Variants in DCC observed in about 807,000 individuals in gnomAD.
DCC encodes DCC netrin 1 receptor, also known as netrin receptor DCC.
Under a neutral mutation model 172.5 loss-of-function variants are expected in DCC, and 58 were observed. The observed-to-expected ratio is 0.34, with a 90% CI of 0.27 to 0.42. The LOEUF is 0.42. Among genes scored for constraint, DCC ranks in the 10% least tolerant of loss-of-function variants. The pLI, the probability that DCC is intolerant of heterozygous loss-of-function variation, is 1.00. For synonymous variants in DCC, 709 were observed against 644.5 expected (o/e 1.10, Z -1.52); for missense variants, 1,740 against 1,791.0 (o/e 0.97, Z 0.51).
chr18:52,369,381 A>G (rs914611309), intron 1 of DCC, among the ~76,000 whole-genome samples: 2 of 152,130 alleles, frequency 1.3e-5, no homozygotes, highest in Non-Finnish European at 2.9e-5. Context: ...TAATTTTTAC[A>G]AACACCTGAC....
intron 1 of DCC, among the ~76,000 whole-genome samples, chr18:52,684,494 C>T (rs2035798058): frequency 6.6e-6 from 1 of 151,834 alleles, no homozygotes; most frequent in Admixed American, 6.6e-5. Context: ...ACACATCAGT[C>T]CCTTTGTGTG....
At chr18:53,374,497 C>T (rs1208561460) in intron 15 of DCC, among the ~76,000 whole-genome samples, 2 of 152,250 alleles carry the variant, frequency 1.3e-5, no homozygotes, top group African/African-American at 2.4e-5. Context: ...ATTTAGGTAA[C>T]AAAAGATGTC....
intron 22 of DCC, among the ~76,000 whole-genome samples, chr18:53,444,255 C>T (rs1912456089): frequency 6.6e-6 from 1 of 152,114 alleles, no homozygotes; most frequent in Non-Finnish European, 1.5e-5. Context: ...TAAGAGATTG[C>T]CACAGGCTGG....
chr18:53,243,834 A>T (rs920283074), intron 12 of DCC, among the ~76,000 whole-genome samples: 3 of 152,194 alleles, frequency 2.0e-5, no homozygotes, highest in African/African-American at 7.2e-5. Context: ...AAATGGAAAC[A>T]TAAAAGTCTT....
chr18:52,939,921 C>T (rs1435132665), intron 5 of DCC, among the ~76,000 whole-genome samples: 1 of 152,062 alleles, frequency 6.6e-6, no homozygotes. Flanking sequence ...GAACATTGTG[C>T]AATTTGGTGT....
intron 13 of DCC, among the ~76,000 whole-genome samples, chr18:53,312,153 CAAAAAAAAAA>C (rs895203731): frequency 1.1e-4 from 3 of 26,734 alleles, no homozygotes; most frequent in South Asian, 1.5e-3. Context: ...GCTAAAAATA[CAAAAAAAAAA>C]AAAAAAAAAA....
chr18:53,031,847 G>C (rs187442752), intron 5 of DCC, among the ~76,000 whole-genome samples: 1 of 152,120 alleles, frequency 6.6e-6, no homozygotes, highest in East Asian at 1.9e-4. Context: ...TCATTTTATA[G>C]ATGTGGGAGT....
chr18:52,965,179 G>T (rs2040909317), intron 5 of DCC: 1 of 152,092 alleles, frequency 6.6e-6, no homozygotes, highest in Admixed American at 6.6e-5. Context: ...TATCTTTTGA[G>T]GGTCATTATT....
At chr18:52,533,162 T>C (rs1228129394) in intron 1 of DCC, among the ~76,000 whole-genome samples, 3 of 152,162 alleles carry the variant, frequency 2.0e-5, no homozygotes, top group Non-Finnish European at 4.4e-5. Flanking sequence ...GGTATCATCT[T>C]ACATCACCAT....
intron 2 of DCC, among the ~76,000 whole-genome samples, chr18:52,766,218 G>C (rs534824334): frequency 1.1e-4 from 16 of 152,314 alleles, no homozygotes; most frequent in African/African-American, 3.8e-4. Flanking sequence ...AAGCACTTTT[G>C]GGCGCCAGCA....
chr18:52,927,209 A>G (rs1024911462), intron 5 of DCC, among the ~76,000 whole-genome samples: 15 of 116,462 alleles, frequency 1.3e-4, no homozygotes, highest in African/African-American at 3.8e-4. Flanking sequence ...GTGTATATGT[A>G]CATATACACA....
intron 1 of DCC, among the ~76,000 whole-genome samples, chr18:52,514,174 G>A (rs1050733938): frequency 1.3e-5 from 2 of 152,054 alleles, no homozygotes; most frequent in Admixed American, 1.3e-4. Flanking sequence ...ATGTATGTGT[G>A]TATATATAGT....
At chr18:53,234,017 G>A (rs749800049) in intron 12 of DCC, among the ~76,000 whole-genome samples, 11 of 152,138 alleles carry the variant, frequency 7.2e-5, no homozygotes, top group South Asian at 2.1e-4. Flanking sequence ...TTGGGAGGCC[G>A]AGGAGGGCAG....
chr18:53,086,708 G>A (rs535643766), intron 7 of DCC, among the ~76,000 whole-genome samples: 41 of 130,298 alleles, frequency 3.1e-4, no homozygotes, highest in African/African-American at 7.3e-4. Context: ...CCACTAACTC[G>A]TCATCTAGCA....
intron 2 of DCC, among the ~76,000 whole-genome samples, chr18:52,896,139 A>G (rs758228012): frequency 1.3e-5 from 2 of 152,178 alleles, no homozygotes; most frequent in Non-Finnish European, 2.9e-5. Flanking sequence ...GTGGTGTATC[A>G]ATTCACACTT....
intron 7 of DCC, among the ~76,000 whole-genome samples, chr18:53,154,872 A>G (rs2054703744): frequency 6.6e-6 from 1 of 152,042 alleles, no homozygotes; most frequent in Non-Finnish European, 1.5e-5. Context: ...TGGAAGTAAA[A>G]GTTTTTGTCA....
intron 9 of DCC, among the ~76,000 whole-genome samples, chr18:53,184,037 G>A (rs1220875655): frequency 4.0e-5 from 6 of 150,192 alleles, no homozygotes; most frequent in Non-Finnish European, 8.9e-5. Context: ...CTGATCCAAC[G>A]GGATCAAATA....
chr18:53,485,228 T>A (rs2045887127), intron 25 of DCC, among the ~76,000 whole-genome samples: 1 of 152,142 alleles, frequency 6.6e-6, no homozygotes, highest in African/African-American at 2.4e-5. Flanking sequence ...ACTATCTACA[T>A]GTATCTATAT....
At chr18:52,593,007 G>T (rs1424767374) in intron 1 of DCC, among the ~76,000 whole-genome samples, 1 of 152,140 alleles carries the variant, frequency 6.6e-6, no homozygotes, top group African/African-American at 2.4e-5. Flanking sequence ...GTGCAGGAAA[G>T]TTTTTGTCAT....
Sources: gnomAD v4.1 joint callset for allele counts (sites outside exome capture counted in the v4.1 genomes callset) on GRCh38, gnomAD v4.1.1 for gene constraint, MANE v1.5 for transcripts, NCBI Gene and HGNC (gene_info 2026-07-23, HGNC 2026-07-21) for gene names.